Variants in DMD observed in about 807,000 individuals in gnomAD.
DMD encodes dystrophin, also known as mutant dystrophin.
Under a neutral mutation model 330.1 loss-of-function variants are expected in DMD, and 63 were observed. The observed-to-expected ratio is 0.19, with a 90% CI of 0.16 to 0.24. The LOEUF (loss-of-function observed/expected upper bound fraction) is 0.24. DMD is among the 10% of genes least tolerant of loss of function. The pLI is 1.00. For synonymous variants in DMD, 1,223 were observed against 959.8 expected, an observed-to-expected ratio of 1.27 and a Z score of -5.07; for missense variants, 3,344 against 2,684.1, an observed-to-expected ratio of 1.25 and a Z score of -5.43.
At chrX:33,224,975 A>G (rs551632482) in intron 1 of DMD, among the ~76,000 whole-genome samples, 2 of 111,772 alleles carry the variant, frequency 1.8e-5, no homozygotes, top group African/African-American at 6.5e-5. Context: ...CTATGTCACA[A>G]AAATTAAATA....
At chrX:31,453,640 A>G (rs1039843427) in intron 59 of DMD, among the ~76,000 whole-genome samples, 1 of 109,981 alleles carries the variant, frequency 9.1e-6, no homozygotes. Flanking sequence ...TATTTAAAAA[A>G]TCAAAAATAA....
chrX:32,416,115 AC>A (rs1468978973), intron 29 of DMD, among the ~76,000 whole-genome samples: 1 of 112,167 alleles, frequency 8.9e-6, no homozygotes, highest in East Asian at 2.8e-4. Flanking sequence ...GAAATAAAAA[AC>A]CGAATATTGA....
intron 1 of DMD, among the ~76,000 whole-genome samples, chrX:33,133,962 T>A (rs1045887536): frequency 8.9e-6 from 1 of 112,264 alleles, no homozygotes; most frequent in African/African-American, 3.2e-5. Flanking sequence ...CTTTCAAAAG[T>A]CAAACAGAAT....
At chrX:32,685,645 ACCT>A (rs1249959093) in intron 9 of DMD, among the ~76,000 whole-genome samples, 1 of 111,814 alleles carries the variant, frequency 8.9e-6, no homozygotes, top group Non-Finnish European at 1.9e-5. Context: ...TAAATAAGTT[ACCT>A]AATAGAAGTA....
intron 44 of DMD, among the ~76,000 whole-genome samples, chrX:32,170,469 C>G (rs904508770): frequency 1.9e-5 from 2 of 107,247 alleles, no homozygotes; most frequent in African/African-American, 6.8e-5. Context: ...GAAACTCCAT[C>G]TCAAATAATA....
chrX:32,784,012 GGGGAAATACACACCT>G (rs1396466879), intron 7 of DMD, among the ~76,000 whole-genome samples: 3 of 105,546 alleles, frequency 2.8e-5, no homozygotes, highest in Non-Finnish European at 5.8e-5. Context: ...GGGGTGGGGG[GGGGAAATACACACCT>G]GGAACTCATC....
At chrX:32,456,008 T>C (rs980493565) in intron 25 of DMD, among the ~76,000 whole-genome samples, 20 of 111,288 alleles carry the variant, frequency 1.8e-4, no homozygotes, top group African/African-American at 6.5e-4. Context: ...ACATAGTGCT[T>C]TTACTTTAAA....
intron 77 of DMD, among the ~76,000 whole-genome samples, chrX:31,127,287 T>A (rs757784526): frequency 2.7e-5 from 3 of 112,146 alleles, no homozygotes; most frequent in Non-Finnish European, 5.6e-5. Flanking sequence ...CAGAGCCAGA[T>A]CCAGGAATGA....
In DMD at chrX:31,180,471, G is replaced by A. The variant is rs898179653; in HGVS notation, c.9985C>T (p.Leu3329=). 33 of 1,185,230 alleles carry A rather than the reference G, an allele frequency of 2.8e-5. No individual in the cohort carries two copies. The highest frequency in any genetic ancestry group is 3.7e-5 in the Non-Finnish European group (32 of 871,373). Residue 3329 remains leucine, a synonymous_variant, in exon 69 of 79, where the codon CTA becomes TTA. Transcript: ENST00000357033. ...CPIIGFRYRS[L]KHFNYDICQS... is the part of the protein sequence containing the mutation. ...CAGATGTCATAATTAAAGTGCTTTA[G>A]ACTCCTGTACCTGATAAAGAGCAAA...
At chrX:32,237,886 G>A (rs781624060) in intron 43 of DMD, among the ~76,000 whole-genome samples, 1 of 111,790 alleles carries the variant, frequency 8.9e-6, no homozygotes, top group Non-Finnish European at 1.9e-5. Flanking sequence ...CAACCTTTGT[G>A]TTTCTAGCCA....
chrX:31,847,969 A>C (rs1425187020), intron 48 of DMD, among the ~76,000 whole-genome samples: 1 of 112,095 alleles, frequency 8.9e-6, no homozygotes, highest in East Asian at 2.8e-4. Flanking sequence ...CAAATGGCAG[A>C]GTTGAGATTA....
chrX:32,173,736 C>T (rs2096896662), intron 44 of DMD, among the ~76,000 whole-genome samples: 1 of 111,711 alleles, frequency 9.0e-6, no homozygotes, highest in African/African-American at 3.3e-5. Flanking sequence ...TTTCTTCTAA[C>T]TATACTTCCA....
chrX:33,094,239 C>T (rs927819950), intron 1 of DMD, among the ~76,000 whole-genome samples: 4 of 111,610 alleles, frequency 3.6e-5, no homozygotes, highest in Non-Finnish European at 7.5e-5. Flanking sequence ...ACAACACTGA[C>T]TTTTATGCTA....
chrX:32,396,942 G>A (rs369703773), intron 30 of DMD, among the ~76,000 whole-genome samples: 69 of 111,077 alleles, frequency 6.2e-4, no homozygotes, highest in African/African-American at 2.0e-3. Flanking sequence ...GCACTTTAGC[G>A]CAGGCTTATT....
At chrX:32,400,264 T>C (rs189080083) in intron 30 of DMD, among the ~76,000 whole-genome samples, 126 of 112,032 alleles carry the variant, frequency 1.1e-3, no homozygotes, top group Middle Eastern at 4.6e-3. Flanking sequence ...TTACATTTAT[T>C]GATTTGCATA....
chrX:33,306,147 A>G (rs1442165809), intron 1 of DMD, among the ~76,000 whole-genome samples: 5 of 111,973 alleles, frequency 4.5e-5, no homozygotes, highest in Admixed American at 9.5e-5. Context: ...AAGGCCATAG[A>G]GACAAGTATC....
At chrX:31,204,395 T>C (rs1034567021) in intron 66 of DMD, among the ~76,000 whole-genome samples, 1 of 112,889 alleles carries the variant, frequency 8.9e-6, no homozygotes, top group Admixed American at 9.3e-5. Context: ...AAATTTCTTC[T>C]AAGCCAGAAC....
chrX:33,033,730 C>G (rs1472159331), intron 1 of DMD, among the ~76,000 whole-genome samples: 4 of 109,687 alleles, frequency 3.6e-5, no homozygotes, highest in African/African-American at 6.6e-5. Flanking sequence ...AAAAAAAAAG[C>G]TCTCATACTA....
intron 54 of DMD, among the ~76,000 whole-genome samples, chrX:31,645,204 T>C: frequency 8.9e-6 from 1 of 111,923 alleles, no homozygotes; most frequent in Non-Finnish European, 1.9e-5. Flanking sequence ...ATAGAGACTT[T>C]ATTAAGTATA....
Sources: gnomAD v4.1 joint callset for allele counts (sites outside exome capture counted in the v4.1 genomes callset) on GRCh38, gnomAD v4.1.1 for gene constraint, MANE v1.5 for transcripts, NCBI Gene and HGNC (gene_info 2026-07-23, HGNC 2026-07-21) for gene names.